Variants in STX4 observed in about 807,000 individuals in gnomAD.
STX4 encodes syntaxin 4, also known as syntaxin-4.
Under a neutral mutation model 41.8 loss-of-function variants are expected in STX4, and 24 were observed. The ratio of observed to expected loss-of-function variants is 0.57; its 90% CI spans 0.42 to 0.81. STX4 has a LOEUF of 0.81. Among genes scored for constraint, STX4 ranks in the 30% least tolerant of loss-of-function variants. STX4 has a pLI of 0.00. For missense variants in STX4, 316 were observed against 389.9 expected, an observed-to-expected ratio of 0.81 and a Z score of 1.60; for synonymous variants, 158 against 156.4, an observed-to-expected ratio of 1.01 and a Z score of -0.08.
Position 31,033,642 on chromosome 16 carries a change from C to G in STX4, c.-164C>G, listed in dbSNP as rs780427373. 3.0e-5 allele frequency: 44 copies of G among 1,472,724 alleles called. No homozygotes were observed. The highest frequency in any genetic ancestry group is 3.8e-5 in the Non-Finnish European group (42 of 1,113,378). 91.2% of individuals were successfully genotyped at this position (1,472,724 alleles called of 1,614,324 possible). A position where few individuals can be genotyped will look rare whatever the true frequency, so the allele number is the denominator to read the frequency against. ...GGGGGTCCCCGGGGTCGGCGCCTTCCCATTGACTGTGGGCGGTGCAAGGGA... is the reference window on the plus strand; with the variant it reads ...GGGGGTCCCCGGGGTCGGCGCCTTCGCATTGACTGTGGGCGGTGCAAGGGA... On this transcript the variant is annotated 5_prime_UTR_variant, in exon 1 of 11. Transcript: ENST00000313843. This position sits in a 1 kb window ranked among gnomAD's most constrained non-coding sequence, Gnocchi z 5.5.
Position 31,039,378 on chromosome 16 carries a change from C to T in STX4, c.703-163C>T. The T allele has an allele frequency of 1.6e-6, 1 of 632,836 alleles. No homozygotes were observed. The highest frequency in any genetic ancestry group is 1.8e-5 in the African/African-American group (1 of 54,710). The allele number at this position is 632,836 out of a possible 1,614,324, so 39.2% of individuals were successfully genotyped here. A position where few individuals can be genotyped will look rare whatever the true frequency, so the allele number is the denominator to read the frequency against. On this transcript the variant is annotated intron_variant, in intron 8 of 10. Transcript: ENST00000313843. This position sits in a 1 kb window ranked among gnomAD's most constrained non-coding sequence, Gnocchi z 4.1. ...ACAAGGGACTACATGATAGAAGGGGCCTGGAAGCCATCCCCAAGGAGTCTG... is the reference window on the plus strand; with the variant it reads ...ACAAGGGACTACATGATAGAAGGGGTCTGGAAGCCATCCCCAAGGAGTCTG...
chr16:31,035,064 AG>A, intron 5 of STX4, 24 bp downstream of exon 5: 1 of 1,576,030 alleles, frequency 6.3e-7, no homozygotes, highest in Non-Finnish European at 8.7e-7. Context: ...CTCAGAAATG[AG>A]GACATTTCAG....
Position 31,037,961 on chromosome 16 carries a change from C to G in STX4, c.414C>G (p.Ile138Met). The G allele has an allele frequency of 6.2e-7, 1 of 1,614,172 alleles. No homozygotes were observed. Among genetic ancestry groups the G allele is most frequent in the Non-Finnish European group, 8.5e-7 (1 of 1,180,026 alleles). ...TGTCCCAGCAATTCGTGGAGCTCAT[C>G]AACAAGTGCAATTCAATGCAGTCCG... ...GVLSQQFVELINKCNSMQSEY... is the reference protein window; with the variant it reads ...GVLSQQFVELMNKCNSMQSEY... The change falls in exon 6 of 11, where the codon ATC becomes ATG. Residue 138 changes from isoleucine (I) to methionine (M), a missense_variant. Physicochemically the swap from Ile to Met is conservative, Grantham distance 10. Transcript: ENST00000313843.
In STX4 at chr16:31,039,652, G is replaced by A; in HGVS notation, c.813+1G>A. The A allele has an allele frequency of 6.2e-7, 1 of 1,614,176 alleles. No homozygotes were observed. The highest frequency in any genetic ancestry group is 8.5e-7 in the Non-Finnish European group (1 of 1,180,030). Reference sequence around the variant, plus strand: ...GGAGAACCAGAAGAAGGCGAGGAAGGTGAGCCTCCCAGGCCCGGCCACTGC... The same window carrying A: ...GGAGAACCAGAAGAAGGCGAGGAAGATGAGCCTCCCAGGCCCGGCCACTGC... On this transcript the variant is annotated splice_donor_variant, in intron 9 of 10. Transcript: ENST00000313843. LOFTEE classifies it high-confidence loss of function. The surrounding 1 kb of genome is among the most constrained non-coding windows in gnomAD (Gnocchi z 4.1).
Position 31,037,149 on chromosome 16 carries a change from C to T in STX4, c.379-777C>T, listed in dbSNP as rs536857667. 9.9e-5 allele frequency among the ~76,000 whole-genome samples: 15 copies of T among 151,188 alleles called. No individual in the cohort carries two copies. In the South Asian group the frequency reaches 2.1e-3, roughly 21 times the overall value. ...TGCCATCTCTGCTCACTGCAACCTC[C>T]GCCTCCTGGGTTCAAGCCATTCTCT... On this transcript the variant is annotated intron_variant, in intron 5 of 10. Coordinates refer to ENST00000313843, the MANE Select transcript of STX4 (RefSeq NM_004604.5).
chr16:31,034,811 G>A, intron 4 of STX4, 159 bp from the exon 5 acceptor site: 1 of 725,232 alleles, frequency 1.4e-6, no homozygotes. Context: ...TTGTTAGGTG[G>A]CCTCTGCATA....
intron 5 of STX4, among the ~76,000 whole-genome samples, chr16:31,037,056 C>CCG (rs1303009525): frequency 4.7e-5 from 6 of 128,046 alleles, no homozygotes; most frequent in Non-Finnish European, 9.6e-5. Flanking sequence ...ATAGTGAGAC[C>CCG]CCCCCCCCTT....
rs755742383 is a variant in STX4 at position 31,034,220 on chromosome 16, C to T, written c.133-6C>T. ...CTCTTTCAGCCCTCTCGGTCACCCT[C>T]CCCAGGTCCGGACAATTCGGCAGAC... On this transcript the variant is annotated splice_region_variant and splice_polypyrimidine_tract_variant and intron_variant, in intron 2 of 10. Transcript: ENST00000313843. The T allele has an allele frequency of 1.2e-6, 2 of 1,614,150 alleles. No individual in the cohort carries two copies. The highest frequency in any genetic ancestry group is 1.7e-6 in the Non-Finnish European group (2 of 1,180,032).
intron 7 of STX4, 33 bp downstream of exon 7, chr16:31,038,223 G>C: frequency 6.2e-7 from 1 of 1,612,186 alleles, no homozygotes; most frequent in Non-Finnish European, 8.5e-7. Context: ...TCTCTGCTGT[G>C]CCTCCCATCC....
chr16:31,034,612 C>T, intron 4 of STX4, 76 bp downstream of exon 4: 1 of 1,431,732 alleles, frequency 7.0e-7, no homozygotes, highest in Non-Finnish European at 9.3e-7. Flanking sequence ...GAGTGTGTGG[C>T]CCAGAGAAGC....
intron 5 of STX4, 95 bp from the exon 6 acceptor site, chr16:31,037,831 C>A: frequency 8.1e-7 from 1 of 1,232,874 alleles, no homozygotes; most frequent in Non-Finnish European, 1.2e-6. Context: ...CGCATAAGAG[C>A]TCATGCTATT....
intron 5 of STX4, 126 bp downstream of exon 5, chr16:31,035,166 G>A: frequency 1.5e-6 from 1 of 682,584 alleles, no homozygotes; most frequent in Non-Finnish European, 2.3e-6. Flanking sequence ...TCCAAATGGG[G>A]AAACTGAGCT....
chr16:31,039,592 G>A lies in STX4; in HGVS notation c.754G>A (p.Val252Met), dbSNP rs199709113. 60 of 1,614,028 alleles carry A rather than the reference G, an allele frequency of 3.7e-5. No individual in the cohort carries two copies. Among genetic ancestry groups the A allele is most frequent in the Admixed American group, 1.7e-4 (10 of 60,010 alleles). Reference sequence around the variant, plus strand: ...GAACATCCTGAGCTCAGCGGACTACGTGGAACGTGGGCAGGAGCACGTCAA... The same window carrying A: ...GAACATCCTGAGCTCAGCGGACTACATGGAACGTGGGCAGGAGCACGTCAA... ...EKNILSSADYVERGQEHVKTA... is the reference protein window; with the variant it reads ...EKNILSSADYMERGQEHVKTA... Residue 252 changes from valine (V) to methionine (M), a missense_variant, in exon 9 of 11, where the codon GTG (valine) becomes ATG (methionine). Val to Met is a conservative substitution (Grantham distance 21). Transcript: ENST00000313843. This position sits in a 1 kb window ranked among gnomAD's most constrained non-coding sequence, Gnocchi z 4.1.
upstream of STX4, chr16:31,033,153 G>A (rs2056767727): frequency 1.8e-6 from 1 of 563,524 alleles, no homozygotes; most frequent in African/African-American, 1.9e-5. This position sits in a 1 kb window ranked among gnomAD's most constrained non-coding sequence, Gnocchi z 5.5. Context: ...ACCTCGCGGG[G>A]GCCGTGTGGG....
At chr16:31,033,429 A>C, upstream of STX4, 1 of 1,490,000 alleles carries the variant, frequency 6.7e-7, no homozygotes, top group East Asian at 2.5e-5. The surrounding 1 kb of genome is among the most constrained non-coding windows in gnomAD (Gnocchi z 5.5). Context: ...TGACGGTAGC[A>C]AGTTCTCGCG....
upstream of STX4, chr16:31,033,121 G>A: frequency 1.9e-6 from 1 of 536,836 alleles, no homozygotes. The surrounding 1 kb of genome is among the most constrained non-coding windows in gnomAD (Gnocchi z 5.5). Flanking sequence ...GGCCTCTGGG[G>A]GTGGTCGGCG....
In STX4 at chr16:31,039,512, C is replaced by G; in HGVS notation, c.703-29C>G. 6.2e-7 allele frequency: 1 copy of G among 1,606,036 alleles called. No individual in the cohort carries two copies. ...GTGGGGTGGGCAAAGGCATCCTTAC[C>G]TCCCTGAACCACCCCATCCTCTGAG... On this transcript the variant is annotated intron_variant, in intron 8 of 10. Transcript: ENST00000313843. This position sits in a 1 kb window ranked among gnomAD's most constrained non-coding sequence, Gnocchi z 4.1.
chr16:31,038,236 T>C lies in STX4; in HGVS notation c.564+46T>C, dbSNP rs1396213265. 4.4e-6 allele frequency: 7 copies of C among 1,608,334 alleles called. No individual in the cohort carries two copies. In the East Asian group the frequency reaches 1.3e-4, roughly 31 times the overall value. On this transcript the variant is annotated intron_variant, in intron 7 of 10. Coordinates refer to ENST00000313843, the MANE Select transcript of STX4 (RefSeq NM_004604.5). Reference sequence around the variant, plus strand: ...CCTCTCTGCTGTGCCTCCCATCCCCTCTGAGTCCTGTCCGTTTCTCGACCT... The same window carrying C: ...CCTCTCTGCTGTGCCTCCCATCCCCCCTGAGTCCTGTCCGTTTCTCGACCT...
intron 2 of STX4, 32 bp downstream of exon 2, chr16:31,034,146 G>A: frequency 4.4e-6 from 7 of 1,607,650 alleles, no homozygotes; most frequent in Non-Finnish European, 6.0e-6. Flanking sequence ...CTGGATTCGC[G>A]AGGGTGTAGG....
Sources: gnomAD v4.1 joint callset for allele counts (sites outside exome capture counted in the v4.1 genomes callset) on GRCh38, gnomAD v4.1.1 for gene constraint, Gnocchi (gnomAD v3.1) non-coding constraint, MANE v1.5 for transcripts, NCBI Gene and HGNC (gene_info 2026-07-23, HGNC 2026-07-21) for gene names.